Variants in KAZN observed in about 807,000 individuals in gnomAD.
The protein encoded by KAZN is kazrin, periplakin interacting protein, also known as kazrin.
A neutral mutation model predicts 87.4 loss-of-function variants in KAZN; 40 were observed. The ratio of observed to expected loss-of-function variants is 0.46; its 90% CI spans 0.36 to 0.60. The LOEUF (loss-of-function observed/expected upper bound fraction) is 0.60, where lower values mean the gene tolerates loss of function less well. Among genes scored for constraint, KAZN ranks in the 20% least tolerant of loss-of-function variants. The probability of loss-of-function intolerance (pLI) is 0.00; values close to 1 mark genes in which losing one functional copy is unlikely to be tolerated. For synonymous variants in KAZN, 466 were observed against 458.3 expected, an observed-to-expected ratio of 1.02 and a Z score of -0.22; for missense variants, 898 against 1,073.9, an observed-to-expected ratio of 0.84 and a Z score of 2.29.
At chr1:15,101,115 C>T (rs1047051081) in intron 10 of KAZN, among the ~76,000 whole-genome samples, 1 of 147,470 alleles carries the variant, frequency 6.8e-6, no homozygotes, top group African/African-American at 2.5e-5. Context: ...TTCCTGTTCC[C>T]TTCCGTTTGT....
intron 2 of KAZN, among the ~76,000 whole-genome samples, chr1:14,393,633 G>A (rs944881505): frequency 1.6e-4 from 25 of 151,954 alleles, no homozygotes; most frequent in Admixed American, 1.4e-3. Flanking sequence ...CCCAGTCTCT[G>A]ACAATTAATA....
intron 2 of KAZN, among the ~76,000 whole-genome samples, chr1:14,297,264 C>T (rs992071012): frequency 3.3e-5 from 5 of 152,062 alleles, no homozygotes; most frequent in Admixed American, 2.0e-4. Flanking sequence ...AGATAAGTGC[C>T]GTGTTTTTAT....
chr1:14,000,873 C>T lies in KAZN; in HGVS notation c.91+107117C>T, dbSNP rs963256178. 3.3e-5 allele frequency among the ~76,000 whole-genome samples: 5 copies of T among 151,662 alleles called. No individual in the cohort carries two copies. The East Asian group carries it at 5.8e-4, about 18-fold the overall frequency. ...TCTCGGCTCACTGCAAGCTCCGCCTCCCGGGTTCACGCCATTCTCCTGCCT... is the reference window on the plus strand; with the variant it reads ...TCTCGGCTCACTGCAAGCTCCGCCTTCCGGGTTCACGCCATTCTCCTGCCT... On this transcript the variant is annotated intron_variant, in intron 1 of 16. Coordinates refer to the KAZN transcript ENST00000636203.
chr1:14,166,204 A>G (rs972724286), intron 1 of KAZN, among the ~76,000 whole-genome samples: 1 of 152,148 alleles, frequency 6.6e-6, no homozygotes, highest in East Asian at 1.9e-4. Context: ...AATCCCAGCT[A>G]CCCAGGAGAC....
At chr1:14,560,559 CA>C (rs1204306525) in intron 2 of KAZN, among the ~76,000 whole-genome samples, 4 of 152,172 alleles carry the variant, frequency 2.6e-5, no homozygotes, top group Admixed American at 6.5e-5. Context: ...GCCTGGGCGA[CA>C]GAGCGAGACT....
intron 1 of KAZN, among the ~76,000 whole-genome samples, chr1:14,715,595 G>A (rs972054741): frequency 3.9e-5 from 6 of 152,168 alleles, no homozygotes; most frequent in Admixed American, 1.3e-4. Context: ...GCCAGTAATG[G>A]ATGTTTCCTA....
chr1:14,740,534 C>T (rs1346986492), intron 1 of KAZN, among the ~76,000 whole-genome samples: 1 of 152,120 alleles, frequency 6.6e-6, no homozygotes, highest in African/African-American at 2.4e-5. Context: ...CCATCCTATC[C>T]TCTGCCTCCG....
At chr1:14,985,430 T>C (rs993217864) in intron 2 of KAZN, among the ~76,000 whole-genome samples, 2 of 151,638 alleles carry the variant, frequency 1.3e-5, no homozygotes, top group Admixed American at 6.6e-5. Context: ...CTCTGGGGGC[T>C]GAGGCAGGAG....
chr1:14,106,836 A>G (rs548862302), intron 1 of KAZN, among the ~76,000 whole-genome samples: 77 of 152,128 alleles, frequency 5.1e-4, no homozygotes, highest in Non-Finnish European at 9.1e-4. Context: ...GCTTTTATGT[A>G]TGTGCTTGGC....
At chr1:14,779,421 G>A (rs1440421373) in intron 1 of KAZN, among the ~76,000 whole-genome samples, 2 of 152,182 alleles carry the variant, frequency 1.3e-5, no homozygotes, top group African/African-American at 4.8e-5. Flanking sequence ...GCTTCCTGGG[G>A]CACTCTCATA....
intron 1 of KAZN, among the ~76,000 whole-genome samples, chr1:14,605,838 A>C (rs1677315279): frequency 6.6e-6 from 1 of 152,218 alleles, no homozygotes; most frequent in Admixed American, 6.5e-5. Flanking sequence ...AGTCTCAGAG[A>C]AACTAAATCA....
chr1:14,980,872 G>T (rs567428875), intron 2 of KAZN, among the ~76,000 whole-genome samples: 1 of 152,148 alleles, frequency 6.6e-6, no homozygotes, highest in African/African-American at 2.4e-5. Flanking sequence ...GAGGCAGGAG[G>T]GGGAGGTGGG....
chr1:14,882,885 G>C (rs1653490880), intron 1 of KAZN, among the ~76,000 whole-genome samples: 1 of 152,094 alleles, frequency 6.6e-6, no homozygotes, highest in African/African-American at 2.4e-5. Flanking sequence ...AGGACACCAA[G>C]GTGTGGAAAG....
chr1:14,624,624 C>T (rs1678975923), intron 1 of KAZN, among the ~76,000 whole-genome samples: 1 of 152,130 alleles, frequency 6.6e-6, no homozygotes, highest in Non-Finnish European at 1.5e-5. Flanking sequence ...AAATCTCCAG[C>T]CACCATGCAT....
intron 1 of KAZN, among the ~76,000 whole-genome samples, chr1:14,933,021 C>T (rs1660025910): frequency 1.3e-5 from 2 of 152,150 alleles, no homozygotes; most frequent in Admixed American, 1.3e-4. Flanking sequence ...CAGTTTCTGT[C>T]TGTATGTGTT....
At chr1:14,509,201 C>T (rs796964602) in intron 2 of KAZN, among the ~76,000 whole-genome samples, 33 of 152,354 alleles carry the variant, frequency 2.2e-4, no homozygotes, top group African/African-American at 7.9e-4. Flanking sequence ...GCTGACCGTG[C>T]TCCAGGACCT....
At position 13,926,033 on chromosome 1, in the gene KAZN, C is replaced by T. The variant is rs144128787; in HGVS notation, c.91+32277C>T. Among the ~76,000 whole-genome samples, 187 of 152,044 alleles carry T rather than the reference C, an allele frequency of 1.2e-3. 1 individual carries two copies. Among genetic ancestry groups the T allele is most frequent in the African/African-American group, 4.2e-3 (176 of 41,456 alleles). On this transcript the variant is annotated intron_variant, in intron 1 of 16. Transcript: ENST00000636203. Reference sequence around the variant, plus strand: ...CATATGGGGTGGTTGGGGGACAGAGCGTGATTTGGTTTTGATAATGGTTTC... The same window carrying T: ...CATATGGGGTGGTTGGGGGACAGAGTGTGATTTGGTTTTGATAATGGTTTC...
chr1:14,758,120 TTTTTTC>T (rs1644624200), intron 1 of KAZN, among the ~76,000 whole-genome samples: 1 of 100,368 alleles, frequency 1.0e-5, no homozygotes, highest in Non-Finnish European at 2.1e-5. Flanking sequence ...TTTTGTTTTG[TTTTTTC>T]TCTCTTTCCT....
chr1:14,061,819 G>A (rs774422371), intron 1 of KAZN, among the ~76,000 whole-genome samples: 7 of 152,130 alleles, frequency 4.6e-5, no homozygotes, highest in Non-Finnish European at 8.8e-5. Context: ...ACATCTGTGC[G>A]GAGTGGAGAA....
Sources: gnomAD v4.1 joint callset for allele counts (sites outside exome capture counted in the v4.1 genomes callset) on GRCh38, gnomAD v4.1.1 for gene constraint, MANE v1.5 for transcripts, NCBI Gene and HGNC (gene_info 2026-07-23, HGNC 2026-07-21) for gene names.